The following ENAH variants were observed in gnomAD, a reference collection of about 807,000 sequenced individuals.
ENAH encodes protein enabled homolog.
ENAH carries 23 observed loss-of-function variants against 78.7 expected under a neutral mutation model. The ratio of observed to expected loss-of-function variants is 0.29; its 90% confidence interval spans 0.21 to 0.41. The LOEUF (loss-of-function observed/expected upper bound fraction) is 0.41, where lower values mean the gene tolerates loss of function less well. Among genes scored for constraint, ENAH ranks in the 10% least tolerant of loss-of-function variants. ENAH has a pLI of 1.00. For synonymous variants in ENAH, 226 were observed against 241.0 expected (o/e 0.94, Z 0.58); for missense variants, 544 against 691.0 (o/e 0.79, Z 2.39).
chr1:225,492,022 C>G lies in ENAH; in HGVS notation c.*5753G>C, dbSNP rs552963585. The G allele has an allele frequency of 9.3e-4, 141 of 151,894 alleles. No homozygotes were observed. Among genetic ancestry groups the G allele is most frequent in the African/African-American group, 3.3e-3 (135 of 41,438 alleles). 9.4% of individuals were successfully genotyped at this position (151,894 alleles called of 1,614,324 possible). A position where few individuals can be genotyped will look rare whatever the true frequency, so the allele number is the denominator to read the frequency against. On this transcript the variant is annotated 3_prime_UTR_variant, in exon 14 of 14. Transcript: ENST00000366843. ...AATAAATGTAGTCTAACAAACTGGG[C>G]TCTCTAATGAAATATGTAAGCTTTT...
At chr1:225,616,464 A>G (rs1279767065) in intron 1 of ENAH, among the ~76,000 whole-genome samples, 1 of 152,242 alleles carries the variant, frequency 6.6e-6, no homozygotes, top group Admixed American at 6.5e-5. Context: ...GTTTATTCAT[A>G]CAAGTAAATT....
Position 225,538,980 on chromosome 1 carries a change from A to G in ENAH, c.350-8342T>C, listed in dbSNP as rs531858750. On this transcript the variant is annotated intron_variant, in intron 3 of 13. Transcript: ENST00000366843. ...AACACAGATCAAGACTTGCCCATCA[A>G]ATGCCCTCCTACCATTTGTTACTAA... Among the ~76,000 whole-genome samples, 228 of 152,240 alleles carry G rather than the reference A, an allele frequency of 1.5e-3. 1 individual carries two copies. Among genetic ancestry groups the G allele is most frequent in the Non-Finnish European group, 2.6e-3 (175 of 68,008 alleles).
intron 1 of ENAH, among the ~76,000 whole-genome samples, chr1:225,582,349 T>C (rs1330852633): frequency 1.3e-5 from 2 of 152,204 alleles, no homozygotes; most frequent in African/African-American, 4.8e-5. Context: ...TATTTATTTA[T>C]AGCAGTGAAA....
chr1:225,651,481 C>T (rs1325487180), intron 1 of ENAH, among the ~76,000 whole-genome samples: 1 of 152,008 alleles, frequency 6.6e-6, no homozygotes, highest in Non-Finnish European at 1.5e-5. Context: ...CTTGCCAAAG[C>T]GAAGGAATTT....
chr1:225,547,415 T>C (rs2096620421), intron 3 of ENAH, among the ~76,000 whole-genome samples: 1 of 152,166 alleles, frequency 6.6e-6, no homozygotes, highest in Admixed American at 6.6e-5. Flanking sequence ...CAGAATTCTT[T>C]CTTAATGAAA....
intron 3 of ENAH, among the ~76,000 whole-genome samples, chr1:225,532,404 C>T (rs1275510318): frequency 3.3e-5 from 5 of 152,072 alleles, no homozygotes; most frequent in Non-Finnish European, 7.4e-5. Context: ...TTGAAAGCCT[C>T]AGGCTGCTTA....
At chr1:225,559,950 G>C (rs1351159409) in intron 2 of ENAH, among the ~76,000 whole-genome samples, 1 of 152,170 alleles carries the variant, frequency 6.6e-6, no homozygotes, top group African/African-American at 2.4e-5. Context: ...GAAGCATTGG[G>C]AGTGCCAGAA....
At chr1:225,564,990 T>C (rs898277262) in intron 2 of ENAH, among the ~76,000 whole-genome samples, 3 of 152,186 alleles carry the variant, frequency 2.0e-5, no homozygotes, top group South Asian at 4.1e-4. Flanking sequence ...ATATACATAA[T>C]AATTTCCTCT....
intron 7 of ENAH, 76 bp from the exon 8 acceptor site, chr1:225,513,092 CAGA>C: frequency 8.0e-7 from 1 of 1,255,046 alleles, no homozygotes; most frequent in Non-Finnish European, 1.1e-6. Context: ...ACATCTAAAA[CAGA>C]AGGAAACATC....
chr1:225,549,630 T>C lies in ENAH; in HGVS notation c.349+5276A>G, dbSNP rs140672191. On this transcript the variant is annotated intron_variant, in intron 3 of 13. Coordinates refer to ENST00000366843, the MANE Select transcript of ENAH (RefSeq NM_018212.6). ...AACAAGGATAATACCACCAACCTTG[T>C]AGGGTTGTTATAAAGATGATTGGTT... Among the ~76,000 whole-genome samples the C allele has an allele frequency of 1.7e-3, 256 of 152,138 alleles. 2 individuals carry two copies. Among genetic ancestry groups the C allele is most frequent in the African/African-American group, 5.7e-3 (236 of 41,542 alleles).
intron 1 of ENAH, among the ~76,000 whole-genome samples, chr1:225,609,640 G>C (rs1029272281): frequency 2.7e-5 from 4 of 149,052 alleles, no homozygotes; most frequent in African/African-American, 9.9e-5. Flanking sequence ...GATTCTAGCA[G>C]GAAAGGGAAA....
intron 3 of ENAH, among the ~76,000 whole-genome samples, chr1:225,546,068 T>G (rs542649221): frequency 1.3e-5 from 2 of 152,044 alleles, no homozygotes; most frequent in Admixed American, 1.3e-4. Flanking sequence ...GGGCTATAGA[T>G]GTACGCCATC....
intron 1 of ENAH, among the ~76,000 whole-genome samples, chr1:225,606,842 CAAAAA>C (rs59168194): frequency 1.6e-4 from 8 of 49,046 alleles, no homozygotes; most frequent in Admixed American, 2.7e-4. Flanking sequence ...GACTCTGTCT[CAAAAA>C]AAAAAAAAAA....
Position 225,513,006 on chromosome 1 carries a change from G to A in ENAH, c.1229C>T (p.Thr410Ile). 6.2e-7 allele frequency: 1 copy of A among 1,612,186 alleles called. No homozygotes were observed. The highest frequency in any genetic ancestry group is 1.1e-5 in the South Asian group (1 of 90,638). The stretch of plus-strand genomic sequence containing the variant: ...AGCATTCCCTCCACTTGGGAAAGAG[G>A]TATCCTCCATCTTAATGAGAATATA... ...KLRKVSRMED[T>I]SFPSGGNAIG... Residue 410 changes from threonine to isoleucine, a missense_variant, in exon 8 of 14, where the codon ACC (threonine) becomes ATC (isoleucine). Thr to Ile is a moderately conservative substitution (Grantham distance 89). Around this residue, in one of 4 missense-constraint regions of ENAH, gnomAD observed 366 missense variants for 396.1 expected, o/e 0.92. Coordinates refer to ENST00000366843, the MANE Select transcript of ENAH (RefSeq NM_018212.6).
chr1:225,543,327 A>G (rs2096598452), intron 3 of ENAH, among the ~76,000 whole-genome samples: 1 of 152,272 alleles, frequency 6.6e-6, no homozygotes, highest in Admixed American at 6.5e-5. Flanking sequence ...CACAGCAAAG[A>G]GCAGGATAAT....
intron 1 of ENAH, among the ~76,000 whole-genome samples, chr1:225,602,042 T>C (rs1185247106): frequency 6.6e-6 from 1 of 152,044 alleles, no homozygotes; most frequent in African/African-American, 2.4e-5. Context: ...AACCAAAAGC[T>C]GTTTCTTGGT....
intron 1 of ENAH, among the ~76,000 whole-genome samples, chr1:225,607,719 C>A (rs1287872569): frequency 1.3e-5 from 2 of 152,042 alleles, no homozygotes; most frequent in Non-Finnish European, 2.9e-5. Flanking sequence ...TGATAACTTA[C>A]CACCCACCCA....
intron 1 of ENAH, among the ~76,000 whole-genome samples, chr1:225,581,828 A>ACAGGCACGCAC (rs1042442216): frequency 2.7e-5 from 4 of 146,536 alleles, no homozygotes; most frequent in African/African-American, 1.0e-4. Flanking sequence ...GGGACAAACC[A>ACAGGCACGCAC]CAGGCACGCA....
chr1:225,509,499 A>T (rs1364204995), intron 10 of ENAH, among the ~76,000 whole-genome samples: 1 of 152,068 alleles, frequency 6.6e-6, no homozygotes, highest in African/African-American at 2.4e-5. Flanking sequence ...CTCTCTAAGG[A>T]GCTCGGGTGT....
Sources: gnomAD v4.1 joint callset for allele counts (sites outside exome capture counted in the v4.1 genomes callset) on GRCh38, gnomAD v4.1.1 for gene constraint, gnomAD v4.1.1 regional missense constraint, MANE v1.5 for transcripts, NCBI Gene and HGNC (gene_info 2026-07-23, HGNC 2026-07-21) for gene names.